The following G2E3 variants were observed in gnomAD, a reference collection of about 807,000 sequenced individuals.
G2E3 encodes the protein G2/M-phase specific E3 ubiquitin protein ligase, also known as G2/M phase-specific E3 ubiquitin-protein ligase.
A neutral mutation model predicts 92.8 loss-of-function variants in G2E3; 35 were observed. The observed-to-expected ratio is 0.38, with a 90% CI of 0.29 to 0.50. The LOEUF (loss-of-function observed/expected upper bound fraction) is 0.50, where lower values mean the gene tolerates loss of function less well. G2E3 is among the 20% of genes least tolerant of loss of function. The pLI is 0.94. For synonymous variants in G2E3, 242 were observed against 272.4 expected, an observed-to-expected ratio of 0.89 and a Z score of 1.10; for missense variants, 554 against 823.8, an observed-to-expected ratio of 0.67 and a Z score of 4.01.
At chr14:30,588,844 A>G (rs974793386) in intron 3 of G2E3, among the ~76,000 whole-genome samples, 3 of 152,150 alleles carry the variant, frequency 2.0e-5, no homozygotes, top group Admixed American at 6.6e-5. Flanking sequence ...TAAAAAGTCA[A>G]ACATTTATTA....
intron 1 of G2E3, among the ~76,000 whole-genome samples, chr14:30,566,472 T>G (rs774122402): frequency 3.9e-5 from 6 of 152,250 alleles, no homozygotes; most frequent in Non-Finnish European, 5.9e-5. Context: ...ATGGTTAAAT[T>G]TATTACTAAG....
chr14:30,602,780 T>C (rs1209632348), intron 10 of G2E3: 1 of 152,118 alleles, frequency 6.6e-6, no homozygotes, highest in African/African-American at 2.4e-5. Flanking sequence ...CTTGGCTAAT[T>C]TTTAAATTTT....
chr14:30,608,906 C>T (rs1027629701), intron 12 of G2E3, among the ~76,000 whole-genome samples: 2 of 152,114 alleles, frequency 1.3e-5, no homozygotes, highest in African/African-American at 2.4e-5. Flanking sequence ...AATTTGAATC[C>T]GGCAGATGGA....
intron 1 of G2E3, among the ~76,000 whole-genome samples, chr14:30,561,411 G>T (rs1379195630): frequency 6.6e-6 from 1 of 152,234 alleles, no homozygotes; most frequent in East Asian, 1.9e-4. Flanking sequence ...GCTTCTCATT[G>T]TCTACCATAT....
chr14:30,595,792 A>G (rs1881249945), intron 6 of G2E3, among the ~76,000 whole-genome samples: 1 of 152,202 alleles, frequency 6.6e-6, no homozygotes, highest in Non-Finnish European at 1.5e-5. Context: ...AACAAATGTC[A>G]TTATTTGTAA....
intron 3 of G2E3, 45 bp from the exon 4 acceptor site, chr14:30,589,338 A>G (rs1281916946): frequency 1.3e-5 from 14 of 1,086,508 alleles, no homozygotes; most frequent in Non-Finnish European, 1.8e-5. Flanking sequence ...TTAATGCCCA[A>G]CTAGTTTCTT....
chr14:30,597,345 A>T, intron 6 of G2E3, 75 bp from the exon 7 acceptor site: 4 of 788,450 alleles, frequency 5.1e-6, no homozygotes, highest in Non-Finnish European at 6.7e-6. Flanking sequence ...AAAATAGCAC[A>T]TGTTCTGTTA....
chr14:30,591,485 C>G (rs1881008192), intron 4 of G2E3, among the ~76,000 whole-genome samples: 1 of 152,072 alleles, frequency 6.6e-6, no homozygotes, highest in Admixed American at 6.6e-5. Flanking sequence ...ATTCTGGAGG[C>G]CAGAATTGTA....
At chr14:30,562,459 G>T (rs1879161030) in intron 1 of G2E3, among the ~76,000 whole-genome samples, 1 of 152,176 alleles carries the variant, frequency 6.6e-6, no homozygotes, top group Non-Finnish European at 1.5e-5. Context: ...GTTATGCCCG[G>T]ACAGGGCCAC....
chr14:30,600,871 G>A (rs958441890), intron 8 of G2E3, among the ~76,000 whole-genome samples: 1 of 152,148 alleles, frequency 6.6e-6, no homozygotes, highest in Non-Finnish European at 1.5e-5. Flanking sequence ...CTTTATAATG[G>A]AAGTGACAGT....
chr14:30,597,212 A>G (rs1026305841), intron 6 of G2E3, among the ~76,000 whole-genome samples: 35 of 152,284 alleles, frequency 2.3e-4, no homozygotes, highest in African/African-American at 6.5e-4. Context: ...CTAAGTATTA[A>G]TTAGCTTTTT....
intron 2 of G2E3, among the ~76,000 whole-genome samples, chr14:30,581,490 T>G (rs1880431355): frequency 6.6e-6 from 1 of 152,168 alleles, no homozygotes; most frequent in African/African-American, 2.4e-5. Context: ...GCAAATCACT[T>G]GAGGTCAAGA....
At chr14:30,583,030 A>G (rs1880517331) in intron 2 of G2E3, among the ~76,000 whole-genome samples, 1 of 152,140 alleles carries the variant, frequency 6.6e-6, no homozygotes, top group Admixed American at 6.5e-5. Flanking sequence ...CTGGTTTAAA[A>G]CAAGAGAAGT....
At chr14:30,569,231 A>G (rs1879615493) in intron 1 of G2E3, among the ~76,000 whole-genome samples, 1 of 152,170 alleles carries the variant, frequency 6.6e-6, no homozygotes, top group Non-Finnish European at 1.5e-5. Flanking sequence ...TTAGGGACCT[A>G]AAAACTTTAT....
In G2E3 at chr14:30,615,415, T is replaced by C; in HGVS notation, c.1740T>C (p.Cys580=). Residue 580 remains cysteine, a synonymous_variant, in exon 14 of 15, where the codon TGT becomes TGC. Transcript: ENST00000206595. ...TTCAGGCTTATCCAGAAGCATTTTG[T>C]AGCATCCTGTGTCATAAACCTGAGA... ...EKIQAYPEAF[C]SILCHKPESL... is the part of the protein sequence containing the mutation. The C allele has an allele frequency of 6.2e-7, 1 of 1,611,050 alleles. No individual in the cohort carries two copies. The highest frequency in any genetic ancestry group is 1.3e-5 in the African/African-American group (1 of 74,966).
intron 5 of G2E3, 92 bp from the exon 6 acceptor site, chr14:30,593,382 A>G: frequency 3.2e-6 from 2 of 634,652 alleles, no homozygotes; most frequent in Admixed American, 3.3e-5. Flanking sequence ...GACAGACACA[A>G]ATGAATTTCA....
At chr14:30,612,714 G>A (rs1232477311) in intron 13 of G2E3, among the ~76,000 whole-genome samples, 2 of 151,962 alleles carry the variant, frequency 1.3e-5, no homozygotes, top group African/African-American at 2.4e-5. Context: ...AAAATTAGCC[G>A]GGCGTGGTGG....
intron 5 of G2E3, 91 bp downstream of exon 5, chr14:30,592,538 C>T: frequency 2.0e-6 from 2 of 984,776 alleles, no homozygotes; most frequent in Non-Finnish European, 3.0e-6. Flanking sequence ...AATAAATTTT[C>T]TGTTTAGAGC....
chr14:30,613,162 A>G (rs2138917274), intron 13 of G2E3, among the ~76,000 whole-genome samples: 1 of 152,256 alleles, frequency 6.6e-6, no homozygotes, highest in South Asian at 2.1e-4. Flanking sequence ...TTTTTAAACA[A>G]TGGAAATACA....
Sources: gnomAD v4.1 joint callset for allele counts (sites outside exome capture counted in the v4.1 genomes callset) on GRCh38, gnomAD v4.1.1 for gene constraint, MANE v1.5 for transcripts, NCBI Gene and HGNC (gene_info 2026-07-23, HGNC 2026-07-21) for gene names.